Variants in ECT2 observed in about 807,000 individuals in gnomAD.
ECT2 encodes the protein protein ECT2.
A neutral mutation model predicts 116.9 loss-of-function variants in ECT2; 61 were observed. The ratio of observed to expected loss-of-function variants is 0.52; its 90% CI spans 0.42 to 0.65. The LOEUF (loss-of-function observed/expected upper bound fraction) is 0.65. ECT2 is among the 30% of genes least tolerant of loss of function. The pLI is 0.00. For missense variants in ECT2, 937 were observed against 1,078.7 expected (o/e 0.87, Z 1.84); for synonymous variants, 358 against 346.4 (o/e 1.03, Z -0.37).
intron 22 of ECT2, among the ~76,000 whole-genome samples, chr3:172,810,646 C>T (rs1577032044): frequency 6.6e-6 from 1 of 151,852 alleles, no homozygotes; most frequent in Admixed American, 6.6e-5. Flanking sequence ...GGAGGGGACA[C>T]GTGATAGTAG....
intron 22 of ECT2, 137 bp downstream of exon 22, chr3:172,808,061 A>AC: frequency 1.2e-6 from 1 of 843,286 alleles, no homozygotes; most frequent in Non-Finnish European, 1.8e-6. Context: ...AAACTGATGT[A>AC]ATAAGTTGTT....
intron 12 of ECT2, among the ~76,000 whole-genome samples, chr3:172,764,870 ATAGG>A (rs1719029743): frequency 6.6e-6 from 1 of 152,220 alleles, no homozygotes; most frequent in African/African-American, 2.4e-5. Context: ...TATGGAGAAA[ATAGG>A]TAGAATGAAG....
intron 16 of ECT2, among the ~76,000 whole-genome samples, 200 bp downstream of exon 16, chr3:172,784,109 C>A (rs1325964447): frequency 6.6e-6 from 1 of 151,548 alleles, no homozygotes; most frequent in Non-Finnish European, 1.5e-5. Flanking sequence ...CAGGAGGCAG[C>A]TGAGTGAATA....
chr3:172,757,169 A>G lies in ECT2; in HGVS notation c.486+4A>G, dbSNP rs760421271. 6.8e-7 allele frequency: 1 copy of G among 1,465,324 alleles called. No individual in the cohort carries two copies. Among genetic ancestry groups the G allele is most frequent in the South Asian group, 1.5e-5 (1 of 65,668 alleles). 90.8% of individuals were successfully genotyped at this position (1,465,324 alleles called of 1,614,324 possible). A position where few individuals can be genotyped will look rare whatever the true frequency, so the allele number is the denominator to read the frequency against. Reference sequence around the variant, plus strand: ...AAATTGTTCACAAAAAGGAGAGGTAAGCATATACATTTATTATGACTTTTC... The same window carrying G: ...AAATTGTTCACAAAAAGGAGAGGTAGGCATATACATTTATTATGACTTTTC... On this transcript the variant is annotated splice_donor_region_variant and intron_variant, in intron 5 of 24. Transcript: ENST00000392692.
Position 172,796,797 on chromosome 3 carries a change from G to A in ECT2, c.1908-5819G>A, listed in dbSNP as rs190555368. Among the ~76,000 whole-genome samples the A allele has an allele frequency of 6.1e-3, 930 of 152,176 alleles. 14 individuals are homozygous for A. The highest frequency in any genetic ancestry group is 0.021 in the African/African-American group (891 of 41,518). ...TTCTCCTGCCTCTGCCTCCTGAGTA[G>A]CTGGGATTTCAGGCACATGCCACCA... On this transcript the variant is annotated intron_variant, in intron 18 of 24. Transcript: ENST00000392692.
intron 14 of ECT2, among the ~76,000 whole-genome samples, chr3:172,775,952 G>C (rs1267882255): frequency 6.6e-6 from 1 of 152,084 alleles, no homozygotes; most frequent in African/African-American, 2.4e-5. Context: ...TTATCTTGGT[G>C]TTTTGCCGCT....
chr3:172,766,005 T>C (rs971336881), intron 12 of ECT2, among the ~76,000 whole-genome samples: 4 of 152,226 alleles, frequency 2.6e-5, no homozygotes, highest in African/African-American at 9.6e-5. Context: ...GTTCTTACGA[T>C]AGAAATTACA....
chr3:172,755,359 T>C lies in ECT2; in HGVS notation c.195T>C (p.Leu65=). The change falls in exon 3 of 25, where the codon CTT becomes CTC. Residue 65 remains leucine (L), a synonymous_variant. Transcript: ENST00000392692. The part of the protein sequence containing the change: ...LVQEAGKQEE[L]IKALKTIKIM... ...AAGAAGCTGGAAAACAAGAAGAACT[T>C]ATAAAAGCCTTAAAGGTACGGAGTT... is the stretch of plus-strand genomic sequence containing the variant. 6.2e-7 allele frequency: 1 copy of C among 1,604,226 alleles called. No individual in the cohort carries two copies. The highest frequency in any genetic ancestry group is 8.5e-7 in the Non-Finnish European group (1 of 1,177,570).
intron 4 of ECT2, among the ~76,000 whole-genome samples, chr3:172,756,138 T>C (rs1166046987): frequency 1.3e-5 from 2 of 152,218 alleles, no homozygotes; most frequent in East Asian, 3.8e-4. Context: ...ATTACCTCTT[T>C]AAAGTCCTTA....
Position 172,761,594 on chromosome 3 carries a change from A to T in ECT2, c.685-16A>T. On this transcript the variant is annotated splice_polypyrimidine_tract_variant and intron_variant, in intron 7 of 24. Transcript: ENST00000392692. ...TTATTTAAGGAGAAAATTCACTGTA[A>T]TGTTTATATTTTTAGGTTGCTGTGA... 1 of 1,570,732 alleles carries T rather than the reference A, an allele frequency of 6.4e-7. No homozygotes were observed. The highest frequency in any genetic ancestry group is 8.8e-7 in the Non-Finnish European group (1 of 1,142,056).
intron 18 of ECT2, among the ~76,000 whole-genome samples, chr3:172,797,204 A>ATTT (rs35016664): frequency 6.9e-6 from 1 of 145,774 alleles, no homozygotes; most frequent in East Asian, 2.0e-4. Flanking sequence ...TAATTTTTGT[A>ATTT]TTTTTTTTTT....
At chr3:172,803,098 T>G in intron 20 of ECT2, 118 bp downstream of exon 20, 1 of 958,568 alleles carries the variant, frequency 1.0e-6, no homozygotes, top group Non-Finnish European at 1.4e-6. Context: ...TCAAGTAATC[T>G]TTTTTTAAAA....
chr3:172,784,566 G>C (rs1429564397), intron 16 of ECT2, 141 bp from the exon 17 acceptor site: 1 of 613,258 alleles, frequency 1.6e-6, no homozygotes, highest in Non-Finnish European at 2.9e-6. Context: ...ATTCAGCCAA[G>C]TAATCAGCCA....
intron 14 of ECT2, among the ~76,000 whole-genome samples, chr3:172,777,508 G>A (rs1721957239): frequency 6.6e-6 from 1 of 152,156 alleles, no homozygotes; most frequent in Non-Finnish European, 1.5e-5. Context: ...TTTTGAGTAA[G>A]ATGAAAATTT....
At chr3:172,807,995 AT>A in intron 22 of ECT2, 71 bp downstream of exon 22, 1 of 1,374,160 alleles carries the variant, frequency 7.3e-7, no homozygotes. Context: ...AAACCTGTAC[AT>A]TTTTAATGAC....
rs376148694 is a variant in ECT2, at chr3:172,760,296, A to G, written c.684+33A>G. On this transcript the variant is annotated intron_variant, in intron 7 of 24. Transcript: ENST00000392692. ...AACTTGGGTATTTTTGTGTATTTCA[A>G]TACAGCATTATTTTGGCATGGGTTT... is the stretch of plus-strand genomic sequence containing the variant. 1,685 of 1,352,654 alleles carry G rather than the reference A, an allele frequency of 1.2e-3. 3 individuals carry two copies. Among genetic ancestry groups the G allele is most frequent in the Non-Finnish European group, 1.6e-3 (1,516 of 953,298 alleles). The allele number at this position is 1,352,654 out of a possible 1,614,324, so 83.8% of individuals were successfully genotyped here.
chr3:172,816,453 C>A (rs1729735091), intron 23 of ECT2, among the ~76,000 whole-genome samples: 1 of 152,060 alleles, frequency 6.6e-6, no homozygotes, highest in Admixed American at 6.6e-5. Context: ...ACTTAGGTCT[C>A]TTCTCTCCCA....
chr3:172,751,275 C>T (rs570815549), intron 1 of ECT2, among the ~76,000 whole-genome samples: 1 of 152,312 alleles, frequency 6.6e-6, no homozygotes, highest in Non-Finnish European at 1.5e-5. Context: ...TTTAATTTTT[C>T]GTTTTTGCAA....
intron 24 of ECT2, among the ~76,000 whole-genome samples, chr3:172,819,063 A>G (rs1002609453): frequency 6.6e-6 from 1 of 152,138 alleles, no homozygotes; most frequent in African/African-American, 2.4e-5. Context: ...TAGTGGATTT[A>G]TATTCCAAAT....
Sources: gnomAD v4.1 joint callset for allele counts (sites outside exome capture counted in the v4.1 genomes callset) on GRCh38, gnomAD v4.1.1 for gene constraint, MANE v1.5 for transcripts, NCBI Gene and HGNC (gene_info 2026-07-23, HGNC 2026-07-21) for gene names.